SLC26A7: variants seen among roughly 807,000 people sequenced by gnomAD.
SLC26A7 encodes the protein anion exchange transporter.
A neutral mutation model predicts 82.5 loss-of-function variants in SLC26A7; 59 were observed. The ratio of observed to expected loss-of-function variants is 0.72; its 90% CI spans 0.58 to 0.89. The LOEUF is 0.89. Ranked by LOEUF, SLC26A7 falls within the 40% of genes least tolerant of loss-of-function variation. The probability of loss-of-function intolerance (pLI) is 0.00; values close to 1 mark genes in which losing one functional copy is unlikely to be tolerated. For synonymous variants in SLC26A7, 271 were observed against 274.3 expected, an observed-to-expected ratio of 0.99 and a Z score of 0.12; for missense variants, 820 against 793.0, an observed-to-expected ratio of 1.03 and a Z score of -0.41.
At chr8:91,394,583 T>C in intron 18 of SLC26A7, 1 of 1,194,516 alleles carries the variant, frequency 8.4e-7, no homozygotes, top group Non-Finnish European at 1.0e-6. Flanking sequence ...CCTTGAGTTT[T>C]GAATTGTTTT....
At chr8:91,371,191 T>C (rs957325920) in intron 15 of SLC26A7, among the ~76,000 whole-genome samples, 2 of 151,948 alleles carry the variant, frequency 1.3e-5, no homozygotes, top group Non-Finnish European at 2.9e-5. Flanking sequence ...AGGTTGATGC[T>C]GAAAATTCAG....
intron 2 of SLC26A7, among the ~76,000 whole-genome samples, chr8:91,255,672 A>G (rs1041267688): frequency 2.6e-5 from 4 of 151,904 alleles, no homozygotes; most frequent in Admixed American, 2.6e-4. Context: ...CCATGACCCA[A>G]TCCCTCACTA....
At position 91,393,950 on chromosome 8, in the gene SLC26A7, G is replaced by A. The variant is rs1244447361; in HGVS notation, c.1846G>A (p.Ala616Thr). ...LAHCTASLIKAMTYYGNLDSE... is the reference protein window; with the variant it reads ...LAHCTASLIKTMTYYGNLDSE... ...CTTTCTTGAAGCTTCCTTGATAAAA[G>A]CAATGACGTATTATGGAAACCTAGA... is the stretch of plus-strand genomic sequence containing the variant. Residue 616 changes from alanine to threonine, a missense_variant, in exon 18 of 19, where the codon GCA (alanine) becomes ACA (threonine). Coordinates refer to ENST00000276609, the MANE Select transcript of SLC26A7 (RefSeq NM_052832.4). 6.2e-7 allele frequency: 1 copy of A among 1,613,484 alleles called. No individual in the cohort carries two copies.
chr8:91,367,936 C>G (rs1432696495), intron 14 of SLC26A7, among the ~76,000 whole-genome samples: 1 of 152,152 alleles, frequency 6.6e-6, no homozygotes, highest in East Asian at 1.9e-4. Flanking sequence ...ACACTTCTGC[C>G]TTTGGGCCTT....
chr8:91,307,393 C>G (rs1258474897), intron 4 of SLC26A7, among the ~76,000 whole-genome samples: 1 of 140,492 alleles, frequency 7.1e-6, no homozygotes, highest in African/African-American at 2.7e-5. Flanking sequence ...AGACTTGGAA[C>G]CAACCCAAAT....
rs776356328 is a variant in SLC26A7, at chr8:91,352,946, A to G, written c.1264A>G (p.Ile422Val). The change falls in exon 11 of 19, where the codon ATA becomes GTA. Residue 422 changes from isoleucine (I) to valine (V), a missense_variant. Ile to Val is a conservative substitution (Grantham distance 29). Transcript: ENST00000276609. Reference protein sequence around the residue: ...IIVVGLKGMLIQFRDLKKYWN... With the variant: ...IIVVGLKGMLVQFRDLKKYWN... ...TGTTGTGGGACTGAAGGGAATGCTAATACAGTTCCGAGATTTAAAAAAATA... is the reference window on the plus strand; with the variant it reads ...TGTTGTGGGACTGAAGGGAATGCTAGTACAGTTCCGAGATTTAAAAAAATA... The G allele has an allele frequency of 6.2e-7, 1 of 1,609,310 alleles. No individual in the cohort carries two copies. The highest frequency in any genetic ancestry group is 1.7e-5 in the Admixed American group (1 of 59,248).
intron 1 of SLC26A7, among the ~76,000 whole-genome samples, chr8:91,217,850 T>G (rs1810081904): frequency 1.3e-5 from 2 of 152,188 alleles, no homozygotes; most frequent in African/African-American, 4.8e-5. Flanking sequence ...ATACCATTTT[T>G]CACCTTCATC....
At chr8:91,226,851 A>T (rs1810246404) in intron 2 of SLC26A7, among the ~76,000 whole-genome samples, 1 of 152,258 alleles carries the variant, frequency 6.6e-6, no homozygotes, top group South Asian at 2.1e-4. Context: ...GATATAATGG[A>T]TAGGAACCAG....
intron 11 of SLC26A7, among the ~76,000 whole-genome samples, chr8:91,359,952 G>T (rs1395949714): frequency 6.6e-6 from 1 of 151,908 alleles, no homozygotes; most frequent in Admixed American, 6.6e-5. Context: ...CATGTACATA[G>T]TCATCACATG....
chr8:91,385,270 C>T (rs1453708300), intron 15 of SLC26A7, among the ~76,000 whole-genome samples: 1 of 152,182 alleles, frequency 6.6e-6, no homozygotes, highest in African/African-American at 2.4e-5. Context: ...ATTCACTTTA[C>T]TCTTTTCTAG....
intron 5 of SLC26A7, among the ~76,000 whole-genome samples, chr8:91,332,589 G>T (rs1813124171): frequency 6.7e-6 from 1 of 150,172 alleles, no homozygotes; most frequent in African/African-American, 2.4e-5. Context: ...GTGTAGTGGT[G>T]CAATCATAGC....
At chr8:91,349,270 T>G (rs1180779779) in intron 9 of SLC26A7, among the ~76,000 whole-genome samples, 3 of 152,206 alleles carry the variant, frequency 2.0e-5, no homozygotes, top group Non-Finnish European at 4.4e-5. Context: ...TTTCATTACA[T>G]GACTTACCAT....
chr8:91,323,816 A>ATTT (rs1812860217), intron 5 of SLC26A7, among the ~76,000 whole-genome samples: 1 of 107,004 alleles, frequency 9.3e-6, no homozygotes, highest in Non-Finnish European at 1.9e-5. Flanking sequence ...CTTTTTTCTT[A>ATTT]TCTTTTTTTT....
chr8:91,339,953 CA>C (rs1332909068), intron 7 of SLC26A7, among the ~76,000 whole-genome samples: 1 of 152,012 alleles, frequency 6.6e-6, no homozygotes, highest in Non-Finnish European at 1.5e-5. Flanking sequence ...AACTCAATGG[CA>C]AATTTAGGGA....
chr8:91,237,388 A>G (rs1238179268), intron 2 of SLC26A7, among the ~76,000 whole-genome samples: 1 of 152,230 alleles, frequency 6.6e-6, no homozygotes, highest in Non-Finnish European at 1.5e-5. Flanking sequence ...TAAATCTGGC[A>G]ATGCTTAGCT....
intron 5 of SLC26A7, among the ~76,000 whole-genome samples, chr8:91,319,975 T>C (rs1814474657): frequency 1.3e-5 from 2 of 152,164 alleles, no homozygotes; most frequent in African/African-American, 4.8e-5. Context: ...AGGTTTTGTG[T>C]GTGATTTTGT....
intron 10 of SLC26A7, among the ~76,000 whole-genome samples, chr8:91,352,242 A>G (rs1054887374): frequency 6.6e-6 from 1 of 152,142 alleles, no homozygotes; most frequent in Non-Finnish European, 1.5e-5. Context: ...GCAAGGAAAT[A>G]GGAAACAAAA....
intron 2 of SLC26A7, among the ~76,000 whole-genome samples, chr8:91,278,694 T>A (rs1333786899): frequency 1.3e-5 from 2 of 152,182 alleles, no homozygotes; most frequent in Non-Finnish European, 2.9e-5. Flanking sequence ...ATGTATGCAG[T>A]ATGAAATGGC....
chr8:91,323,308 C>T (rs1390185088), intron 5 of SLC26A7, among the ~76,000 whole-genome samples: 1 of 152,134 alleles, frequency 6.6e-6, no homozygotes, highest in African/African-American at 2.4e-5. Context: ...GGATATGAAA[C>T]AACTATATGT....
Sources: gnomAD v4.1 joint callset for allele counts (sites outside exome capture counted in the v4.1 genomes callset) on GRCh38, gnomAD v4.1.1 for gene constraint, MANE v1.5 for transcripts, NCBI Gene and HGNC (gene_info 2026-07-23, HGNC 2026-07-21) for gene names.